FAAH2: variants seen among roughly 807,000 people sequenced by gnomAD.
The protein encoded by FAAH2 is fatty-acid amide hydrolase 2.
In FAAH2, 60 loss-of-function variants were observed where a neutral mutation model predicts 36.9. The observed-to-expected ratio is 1.63, with a 90% CI of 1.32 to 2.02. FAAH2 has a LOEUF of 2.02. Ranked by LOEUF, FAAH2 falls within the 30% of genes most tolerant of loss-of-function variation. The probability of loss-of-function intolerance (pLI) is 0.00; values close to 1 mark genes in which losing one functional copy is unlikely to be tolerated. For missense variants in FAAH2, 689 were observed against 397.5 expected, an observed-to-expected ratio of 1.73 and a Z score of -6.23; for synonymous variants, 214 against 143.8, an observed-to-expected ratio of 1.49 and a Z score of -3.49.
chrX:57,477,987 C>A (rs2057304312), intron 10 of FAAH2, among the ~76,000 whole-genome samples: 1 of 111,844 alleles, frequency 8.9e-6, no homozygotes, highest in African/African-American at 3.3e-5. Flanking sequence ...GATTTATAAT[C>A]CTTTGGGTAT....
chrX:57,390,397 G>T lies in FAAH2; in HGVS notation c.996+9368G>T, dbSNP rs1484978627. On this transcript the variant is annotated intron_variant, in intron 7 of 10. Transcript: ENST00000374900. Reference sequence around the variant, plus strand: ...GCATGTTGTTAAATGGATATATTGTGTAATGGTGAAGTTTGGGCTTCTAGT... The same window carrying T: ...GCATGTTGTTAAATGGATATATTGTTTAATGGTGAAGTTTGGGCTTCTAGT... 3.6e-5 allele frequency among the ~76,000 whole-genome samples: 4 copies of T among 111,315 alleles called. No individual in the cohort carries two copies. The East Asian group carries it at 8.4e-4, about 23-fold the overall frequency.
chrX:57,387,894 A>G (rs778751758), intron 7 of FAAH2, among the ~76,000 whole-genome samples: 1 of 111,317 alleles, frequency 9.0e-6, no homozygotes, highest in Non-Finnish European at 1.9e-5. Context: ...GAGGAGGTAA[A>G]TAGAGAAAGA....
the FAAH2 span, among the ~76,000 whole-genome samples, chrX:57,179,286 T>A: frequency 9.0e-6 from 1 of 111,645 alleles, no homozygotes; most frequent in African/African-American, 3.3e-5. Context: ...TAACCTTAAA[T>A]ATAAACAGTC....
At chrX:57,282,450 G>A (rs1229768381), upstream of FAAH2, among the ~76,000 whole-genome samples, 3 of 111,460 alleles carry the variant, frequency 2.7e-5, no homozygotes, top group Admixed American at 9.5e-5. Flanking sequence ...CTTAGAGATT[G>A]TGGATATTAG....
At chrX:57,288,218 A>G (rs1207706648) in intron 1 of FAAH2, among the ~76,000 whole-genome samples, 1 of 110,400 alleles carries the variant, frequency 9.1e-6, no homozygotes, top group Non-Finnish European at 1.9e-5. Context: ...CATATCAAGA[A>G]CCTGGCACAT....
chrX:57,279,865 C>T, the FAAH2 span, among the ~76,000 whole-genome samples: 1 of 111,581 alleles, frequency 9.0e-6, no homozygotes, highest in African/African-American at 3.2e-5. Flanking sequence ...TCACTTATGA[C>T]AAACTCACAG....
At chrX:57,402,977 T>A (rs2055475736) in intron 7 of FAAH2, among the ~76,000 whole-genome samples, 1 of 112,158 alleles carries the variant, frequency 8.9e-6, no homozygotes, top group African/African-American at 3.2e-5. Flanking sequence ...TAGTGTCTGA[T>A]CTAGCAGTAA....
the FAAH2 span, among the ~76,000 whole-genome samples, chrX:57,269,147 T>G: frequency 9.0e-6 from 1 of 111,631 alleles, no homozygotes; most frequent in African/African-American, 3.3e-5. Context: ...CAAATAATGG[T>G]GAAAGACTCA....
At chrX:57,397,183 C>T (rs1232631108) in intron 7 of FAAH2, among the ~76,000 whole-genome samples, 1 of 111,498 alleles carries the variant, frequency 9.0e-6, no homozygotes, top group African/African-American at 3.3e-5. Flanking sequence ...GTGTCTTAGG[C>T]AACAGTTAGT....
At chrX:57,292,219 A>C (rs1269429458) in intron 1 of FAAH2, among the ~76,000 whole-genome samples, 2 of 111,384 alleles carry the variant, frequency 1.8e-5, no homozygotes, top group African/African-American at 6.5e-5. Context: ...AATATCTCTG[A>C]ACTCCAATTT....
rs766421820 is a variant in FAAH2, at chrX:57,296,299, T to A, written c.275+3719T>A. 9.0e-5 allele frequency among the ~76,000 whole-genome samples: 10 copies of A among 111,563 alleles called. No individual in the cohort carries two copies. The East Asian group carries it at 2.5e-3, about 28-fold the overall frequency. On this transcript the variant is annotated intron_variant, in intron 2 of 10. Transcript: ENST00000374900. ...CAGCAGCATTTGTGGTTCACCAATA[T>A]CTGCTGTTCTGCAGCCACCACTGCT...
At chrX:57,371,872 T>G (rs1027188933) in intron 5 of FAAH2, among the ~76,000 whole-genome samples, 3 of 111,703 alleles carry the variant, frequency 2.7e-5, no homozygotes, top group Admixed American at 1.9e-4. Flanking sequence ...AATGTTTAAT[T>G]TACACTTATA....
At chrX:57,190,935 G>T in the FAAH2 span, among the ~76,000 whole-genome samples, 1 of 111,585 alleles carries the variant, frequency 9.0e-6, no homozygotes, top group African/African-American at 3.3e-5. Flanking sequence ...TGTGAACAAT[G>T]CTGCAGTAAA....
Position 57,331,759 on chromosome X carries a change from C to A in FAAH2, c.574C>A (p.Arg192=). Residue 192 remains arginine (R), a synonymous_variant, in exon 4 of 11, where the codon CGA becomes AGA. Transcript: ENST00000374900. Reference sequence around the variant, plus strand: ...TGAATCCAGTAACAAGATCTATGGCCGATCAAACAACCCATATGATTTACA... The same window carrying A: ...TGAATCCAGTAACAAGATCTATGGCAGATCAAACAACCCATATGATTTACA... ...WYESSNKIYG[R]SNNPYDLQHI... 1 of 1,210,969 alleles carries A rather than the reference C, an allele frequency of 8.3e-7. No homozygotes were observed. Among genetic ancestry groups the A allele is most frequent in the Non-Finnish European group, 1.1e-6 (1 of 895,305 alleles).
rs182508589 is a variant in FAAH2 at position 57,315,875 on chromosome X, C to T, written c.412+5146C>T. On this transcript the variant is annotated intron_variant, in intron 3 of 10. Transcript: ENST00000374900. ...AAGGAAAGAGTGCCCACTCTCACTA[C>T]TCCTATTTGACATAGTACTGGAAAT... Among the ~76,000 whole-genome samples, 637 of 110,886 alleles carry T rather than the reference C, an allele frequency of 5.7e-3. 6 individuals carry two copies. Among genetic ancestry groups the T allele is most frequent in the South Asian group, 0.015 (40 of 2,591 alleles).
intron 7 of FAAH2, among the ~76,000 whole-genome samples, chrX:57,403,707 A>G (rs1489288283): frequency 1.8e-5 from 2 of 112,270 alleles, no homozygotes; most frequent in Non-Finnish European, 3.8e-5. Context: ...TGCTTCTACA[A>G]GAGTTTCCCT....
intron 7 of FAAH2, chrX:57,395,397 C>T: frequency 1.4e-6 from 1 of 714,765 alleles, no homozygotes; most frequent in South Asian, 2.1e-5. Context: ...TTCAGGATTT[C>T]TGCTGGTGCC....
At chrX:57,245,720 T>C in the FAAH2 span, among the ~76,000 whole-genome samples, 7 of 112,531 alleles carry the variant, frequency 6.2e-5, no homozygotes, top group African/African-American at 2.3e-4. Context: ...GGGACACAGC[T>C]ACAGCCATGT....
At chrX:57,457,193 A>G (rs993510944) in intron 10 of FAAH2, among the ~76,000 whole-genome samples, 8 of 112,102 alleles carry the variant, frequency 7.1e-5, no homozygotes, top group Non-Finnish European at 1.5e-4. Context: ...AATCAAAAGC[A>G]AAAACTACAT....
Sources: allele counts gnomAD v4.1 joint callset (sites outside exome capture counted in the v4.1 genomes callset), GRCh38; gene constraint gnomAD v4.1.1; transcripts MANE v1.5; gene names NCBI Gene and HGNC (gene_info 2026-07-23, HGNC 2026-07-21).